Variants in DNAJC15 observed in about 807,000 individuals in gnomAD.
DNAJC15 encodes dnaJ homolog subfamily C member 15.
Under a neutral mutation model 22.4 loss-of-function variants are expected in DNAJC15, and 27 were observed. That is an observed-to-expected ratio of 1.20 (90% CI 0.89 to 1.66). DNAJC15 has a LOEUF of 1.66. Ranked by LOEUF, DNAJC15 falls within the 40% of genes most tolerant of loss-of-function variation. The pLI is 0.00. For missense variants in DNAJC15, 208 were observed against 187.1 expected (o/e 1.11, Z -0.65); for synonymous variants, 79 against 63.2 (o/e 1.25, Z -1.19).
intron 5 of DNAJC15, among the ~76,000 whole-genome samples, chr13:43,095,326 A>G (rs1317601330): frequency 6.6e-6 from 1 of 152,204 alleles, no homozygotes; most frequent in Non-Finnish European, 1.5e-5. Flanking sequence ...TCAAAAAATT[A>G]GGTAGATGGT....
At chr13:43,067,077 T>C (rs1024299453) in intron 2 of DNAJC15, among the ~76,000 whole-genome samples, 1 of 152,242 alleles carries the variant, frequency 6.6e-6, no homozygotes, top group Non-Finnish European at 1.5e-5. Context: ...CATTTGTGTT[T>C]GTAAGTTCTA....
intron 4 of DNAJC15, among the ~76,000 whole-genome samples, chr13:43,082,429 A>G (rs2040666364): frequency 6.6e-6 from 1 of 152,198 alleles, no homozygotes; most frequent in South Asian, 2.1e-4. Context: ...ATGTATTAAT[A>G]TTAAAATGTA....
rs1185850047 is a variant in DNAJC15, at chr13:43,108,563, T to C, written c.*1315T>C. 3 of 152,238 alleles carry C rather than the reference T, an allele frequency of 2.0e-5. No homozygotes were observed. The highest frequency in any genetic ancestry group is 4.4e-5 in the Non-Finnish European group (3 of 68,040). The allele number at this position is 152,238 out of a possible 1,614,324, so 9.4% of individuals were successfully genotyped here. A position where few individuals can be genotyped will look rare whatever the true frequency, so the allele number is the denominator to read the frequency against. On this transcript the variant is annotated 3_prime_UTR_variant, in exon 6 of 6. Transcript: ENST00000379221. ...TTTTTAGATATCCTAGATGCATCTT[T>C]CAACTTCTAACATTCTGTAGTTTAG...
intron 1 of DNAJC15, among the ~76,000 whole-genome samples, chr13:43,030,037 G>C (rs987884983): frequency 4.6e-5 from 7 of 152,130 alleles, no homozygotes; most frequent in African/African-American, 1.7e-4. Context: ...TTTGACTTTT[G>C]TAATAGTCAG....
intron 5 of DNAJC15, among the ~76,000 whole-genome samples, chr13:43,103,590 T>C (rs1350941841): frequency 6.6e-6 from 1 of 152,254 alleles, no homozygotes; most frequent in Non-Finnish European, 1.5e-5. Flanking sequence ...AAATGTTCCA[T>C]GTGCAGTTTA....
chr13:43,025,623 G>T (rs1593306117), intron 1 of DNAJC15, among the ~76,000 whole-genome samples: 1 of 152,208 alleles, frequency 6.6e-6, no homozygotes, highest in East Asian at 1.9e-4. Flanking sequence ...CATGTCTACA[G>T]GCTGCGAGCG....
chr13:43,045,617 A>G (rs1008825923), intron 1 of DNAJC15, among the ~76,000 whole-genome samples: 4 of 152,134 alleles, frequency 2.6e-5, no homozygotes, highest in Non-Finnish European at 4.4e-5. Context: ...ATCGGGTTCT[A>G]AGTCATGAGT....
chr13:43,024,144 A>C (rs965581025), intron 1 of DNAJC15, among the ~76,000 whole-genome samples: 1 of 152,126 alleles, frequency 6.6e-6, no homozygotes, highest in African/African-American at 2.4e-5. Context: ...AAAACAGTCC[A>C]TTCAGCAAGG....
rs2153442770 is a variant in DNAJC15, at chr13:43,113,200, C to T, written c.*5952C>T. On this transcript the variant is annotated 3_prime_UTR_variant, in exon 6 of 6. Coordinates refer to ENST00000379221, the MANE Select transcript of DNAJC15 (RefSeq NM_013238.3). ...CCTGGCACAAGAAATGAAGAGAGAG[C>T]TCAGTGTATTAAAGATGAAAACAAG... 1 of 152,152 alleles carries T rather than the reference C, an allele frequency of 6.6e-6. No homozygotes were observed. The highest frequency in any genetic ancestry group is 1.5e-5 in the Non-Finnish European group (1 of 68,020). The allele number at this position is 152,152 out of a possible 1,614,324, so 9.4% of individuals were successfully genotyped here.
chr13:43,027,373 GCTATT>G (rs1375049831), intron 1 of DNAJC15, among the ~76,000 whole-genome samples: 1 of 152,082 alleles, frequency 6.6e-6, no homozygotes, highest in East Asian at 1.9e-4. Context: ...GCATGCATTA[GCTATT>G]CTTCCTGATG....
intron 1 of DNAJC15, among the ~76,000 whole-genome samples, chr13:43,055,576 A>G (rs190342023): frequency 1.3e-5 from 2 of 152,274 alleles, no homozygotes; most frequent in African/African-American, 4.8e-5. Context: ...CTGCTTCAGT[A>G]TCTCCCGTTT....
intron 5 of DNAJC15, among the ~76,000 whole-genome samples, chr13:43,096,321 A>G (rs2040739257): frequency 6.6e-6 from 1 of 152,226 alleles, no homozygotes; most frequent in Non-Finnish European, 1.5e-5. Context: ...TATCTTTATT[A>G]AAGACCAAAT....
intron 3 of DNAJC15, 101 bp from the exon 4 acceptor site, chr13:43,078,510 CT>C: frequency 1.2e-6 from 1 of 829,100 alleles, no homozygotes; most frequent in Middle Eastern, 2.4e-4. Context: ...GAGTTGACTT[CT>C]AGTAAAATGC....
At chr13:43,083,389 G>C (rs1056781107) in intron 4 of DNAJC15, among the ~76,000 whole-genome samples, 5 of 152,002 alleles carry the variant, frequency 3.3e-5, no homozygotes, top group African/African-American at 1.2e-4. Flanking sequence ...GGATGGTCTC[G>C]ATCTCCTGAC....
chr13:43,065,045 C>G (rs1275309909), intron 1 of DNAJC15, among the ~76,000 whole-genome samples: 1 of 150,908 alleles, frequency 6.6e-6, no homozygotes, highest in African/African-American at 2.4e-5. Flanking sequence ...GTTATTGTGA[C>G]ACTAATAGTT....
intron 1 of DNAJC15, among the ~76,000 whole-genome samples, chr13:43,065,062 G>C (rs2040577357): frequency 6.6e-6 from 1 of 151,846 alleles, no homozygotes; most frequent in South Asian, 2.1e-4. Context: ...AGTTTCCTGA[G>C]ATGTTTAAGG....
chr13:43,103,628 G>T (rs996978717), intron 5 of DNAJC15, among the ~76,000 whole-genome samples: 1 of 152,208 alleles, frequency 6.6e-6, no homozygotes, highest in African/African-American at 2.4e-5. Context: ...CACTTGCAGG[G>T]TGGAATCTTG....
At chr13:43,029,051 A>G (rs368607874) in intron 1 of DNAJC15, among the ~76,000 whole-genome samples, 21 of 152,306 alleles carry the variant, frequency 1.4e-4, no homozygotes, top group East Asian at 5.8e-4. Context: ...TTCTATTATT[A>G]TTGAGCAACT....
chr13:43,034,925 A>G (rs1213004260), intron 1 of DNAJC15, among the ~76,000 whole-genome samples: 1 of 152,148 alleles, frequency 6.6e-6, no homozygotes, highest in African/African-American at 2.4e-5. Flanking sequence ...ATAACATTTT[A>G]TCTCATGGGG....
Sources: gnomAD v4.1 joint callset for allele counts (sites outside exome capture counted in the v4.1 genomes callset) on GRCh38, gnomAD v4.1.1 for gene constraint, MANE v1.5 for transcripts, NCBI Gene and HGNC (gene_info 2026-07-23, HGNC 2026-07-21) for gene names.